Variants in USP34 observed in about 807,000 individuals in gnomAD.
The protein encoded by USP34 is ubiquitin carboxyl-terminal hydrolase 34.
Under a neutral mutation model 460.3 loss-of-function variants are expected in USP34, and 70 were observed. The ratio of observed to expected loss-of-function variants is 0.15; its 90% CI spans 0.13 to 0.19. The LOEUF (loss-of-function observed/expected upper bound fraction) is 0.19. Ranked by LOEUF, USP34 falls within the 10% of genes least tolerant of loss-of-function variation. The pLI is 1.00. For missense variants in USP34, 3,985 were observed against 4,236.2 expected (o/e 0.94, Z 1.65); for synonymous variants, 1,647 against 1,405.3 (o/e 1.17, Z -3.85).
At chr2:61,453,714 C>CAAAAAAAAAAAAAAAAAAAAAAAAAAA (rs1169951643) in intron 1 of USP34, among the ~76,000 whole-genome samples, 1 of 31,934 alleles carries the variant, frequency 3.1e-5, no homozygotes, top group African/African-American at 9.0e-5. Flanking sequence ...CATTCCATCT[C>CAAAAAAAAAAAAAAAAAAAAAAAAAAA]AAAAAAAAAA....
chr2:61,190,256 C>A lies in USP34; in HGVS notation c.9873+15G>T, dbSNP rs746659237. On this transcript the variant is annotated intron_variant, in intron 78 of 79. Coordinates refer to ENST00000398571, the MANE Select transcript of USP34 (RefSeq NM_014709.4). Reference sequence around the variant, plus strand: ...AGTTTAAAAGTGTGTGCCGCCGCCTCTGCATAGTTCTTACCCCATTTAAAG... The same window carrying A: ...AGTTTAAAAGTGTGTGCCGCCGCCTATGCATAGTTCTTACCCCATTTAAAG... 7 of 1,598,130 alleles carry A rather than the reference C, an allele frequency of 4.4e-6. No homozygotes were observed. The South Asian group carries it at 6.8e-5, about 16-fold the overall frequency.
rs186061618 is a variant in USP34, at chr2:61,269,385, C to T, written c.5434-3218G>A. On this transcript the variant is annotated intron_variant, in intron 41 of 79. Coordinates refer to ENST00000398571, the MANE Select transcript of USP34 (RefSeq NM_014709.4). Reference sequence around the variant, plus strand: ...TTCACCAGGTTACCCAGGCTGGTCTCCAACTCCTGGGCTCAAGCAATCCTT... The same window carrying T: ...TTCACCAGGTTACCCAGGCTGGTCTTCAACTCCTGGGCTCAAGCAATCCTT... Among the ~76,000 whole-genome samples, 38 of 150,678 alleles carry T rather than the reference C, an allele frequency of 2.5e-4. No homozygotes were observed. In the East Asian group the frequency reaches 7.4e-3, roughly 29 times the overall value.
chr2:61,197,426 T>C (rs1369837394), intron 75 of USP34, among the ~76,000 whole-genome samples: 1 of 152,216 alleles, frequency 6.6e-6, no homozygotes, highest in Non-Finnish European at 1.5e-5. Flanking sequence ...TATAATCCTC[T>C]CAAATTCATT....
intron 8 of USP34, among the ~76,000 whole-genome samples, chr2:61,374,718 A>G (rs1473838798): frequency 6.6e-6 from 1 of 151,616 alleles, no homozygotes; most frequent in African/African-American, 2.4e-5. Flanking sequence ...CAAGTGATTC[A>G]CCACCAGGCC....
intron 1 of USP34, among the ~76,000 whole-genome samples, chr2:61,452,460 G>A (rs984331106): frequency 1.3e-5 from 2 of 151,574 alleles, no homozygotes; most frequent in African/African-American, 4.8e-5. Context: ...AAGTGGCTGG[G>A]ATTATAGGCA....
chr2:61,438,340 G>A (rs546339342), intron 1 of USP34, among the ~76,000 whole-genome samples: 32 of 152,210 alleles, frequency 2.1e-4, no homozygotes, highest in African/African-American at 6.0e-4. Flanking sequence ...GGCCAGGCGT[G>A]GTGGCTCAAC....
intron 41 of USP34, chr2:61,277,957 T>TCGGACTTGCC (rs749940152): frequency 2.6e-5 from 15 of 569,332 alleles, no homozygotes; most frequent in Middle Eastern, 4.8e-4. Context: ...TGCGACTTGC[T>TCGGACTTGCC]CGGACTTGCC....
chr2:61,432,507 AGTG>A (rs1434910655), intron 1 of USP34, among the ~76,000 whole-genome samples: 1 of 151,898 alleles, frequency 6.6e-6, no homozygotes, highest in African/African-American at 2.4e-5. Flanking sequence ...AGCTGGACAC[AGTG>A]GTGTGTGTCT....
intron 5 of USP34, among the ~76,000 whole-genome samples, chr2:61,393,429 T>TA (rs33954205): frequency 0.021 from 2,708 of 129,834 alleles, 91 homozygotes; most frequent in African/African-American, 0.067. Flanking sequence ...AGACTCCGTC[T>TA]AAAAAAAAAA....
chr2:61,266,534 T>C (rs1490256516), intron 41 of USP34, among the ~76,000 whole-genome samples: 3 of 152,198 alleles, frequency 2.0e-5, no homozygotes, highest in African/African-American at 7.2e-5. Flanking sequence ...TACTAATAAA[T>C]AATAGCAACA....
intron 21 of USP34, among the ~76,000 whole-genome samples, chr2:61,322,755 GATT>G (rs1399491559): frequency 1.3e-5 from 2 of 152,178 alleles, no homozygotes; most frequent in Non-Finnish European, 2.9e-5. Context: ...TTAATGTGTA[GATT>G]ATTTGTTCTG....
chr2:61,429,438 C>T (rs1006766925), intron 1 of USP34, among the ~76,000 whole-genome samples: 2 of 152,106 alleles, frequency 1.3e-5, no homozygotes, highest in Non-Finnish European at 2.9e-5. Flanking sequence ...CAGAGCGAGA[C>T]TCCGTCTCAA....
At chr2:61,255,380 C>T (rs1428408683) in intron 48 of USP34, among the ~76,000 whole-genome samples, 1 of 152,166 alleles carries the variant, frequency 6.6e-6, no homozygotes, top group Admixed American at 6.5e-5. Flanking sequence ...CTGTAACAGC[C>T]AACTGCCTGC....
chr2:61,257,039 G>GTATA lies in USP34; in HGVS notation c.6048+9_6048+12dup. The GTATA allele has an allele frequency of 6.5e-7, 1 of 1,543,252 alleles. No homozygotes were observed. The highest frequency in any genetic ancestry group is 1.3e-5 in the South Asian group (1 of 78,096). ...AAGATCTCCAAAAAGTAAAAACCAG[G>GTATA]TATAATACTTACCAAGGATACAACA... On this transcript the variant is annotated intron_variant, in intron 46 of 79. Coordinates refer to ENST00000398571, the MANE Select transcript of USP34 (RefSeq NM_014709.4).
chr2:61,320,913 G>T (rs757262444), intron 21 of USP34, among the ~76,000 whole-genome samples: 1 of 152,132 alleles, frequency 6.6e-6, no homozygotes. Flanking sequence ...GGGAGGATAA[G>T]GCACGAGAAT....
At chr2:61,199,570 T>C (rs1686908902) in intron 75 of USP34, among the ~76,000 whole-genome samples, 1 of 152,230 alleles carries the variant, frequency 6.6e-6, no homozygotes, top group Non-Finnish European at 1.5e-5. Context: ...ATGAAGTCTT[T>C]AATCCTCCTG....
At chr2:61,244,453 A>G (rs963531095) in intron 51 of USP34, among the ~76,000 whole-genome samples, 6 of 151,980 alleles carry the variant, frequency 3.9e-5, no homozygotes, top group Admixed American at 1.3e-4. Context: ...CACCTCTACT[A>G]AAAATACAAA....
At chr2:61,275,203 T>G (rs1435566621) in intron 41 of USP34, among the ~76,000 whole-genome samples, 2 of 152,062 alleles carry the variant, frequency 1.3e-5, no homozygotes, top group African/African-American at 4.8e-5. Context: ...TGCTTGAGCC[T>G]GGGAGGTGGA....
rs60152908 is a variant in USP34 at position 61,239,300 on chromosome 2, T to TCACACACA, written c.6777+2252_6777+2259dup. ...TTCCTCACTTTAAATGAGGGCCCTG[T>TCACACACA]CACACACACACACACACACACACAC... On this transcript the variant is annotated intron_variant, in intron 53 of 79. Coordinates refer to ENST00000398571, the MANE Select transcript of USP34 (RefSeq NM_014709.4). Among the ~76,000 whole-genome samples, 890 of 132,804 alleles carry TCACACACA rather than the reference T, an allele frequency of 6.7e-3. 7 individuals are homozygous for TCACACACA. Among genetic ancestry groups the TCACACACA allele is most frequent in the East Asian group, 0.015 (64 of 4,326 alleles). 87.1% of individuals were successfully genotyped at this position (132,804 alleles called of 152,430 possible).
Sources: gnomAD v4.1 joint callset for allele counts (sites outside exome capture counted in the v4.1 genomes callset) on GRCh38, gnomAD v4.1.1 for gene constraint, MANE v1.5 for transcripts, NCBI Gene and HGNC (gene_info 2026-07-23, HGNC 2026-07-21) for gene names.